The following DNER variants were observed in gnomAD, a reference collection of about 807,000 sequenced individuals.
DNER encodes delta and Notch-like epidermal growth factor-related receptor.
Under a neutral mutation model 78.2 loss-of-function variants are expected in DNER, and 33 were observed. That is an observed-to-expected ratio of 0.42 (90% CI 0.32 to 0.56). DNER has a LOEUF of 0.56. Among genes scored for constraint, DNER ranks in the 20% least tolerant of loss-of-function variants. The probability of loss-of-function intolerance (pLI) is 0.11; values close to 1 mark genes in which losing one functional copy is unlikely to be tolerated. For synonymous variants in DNER, 417 were observed against 384.8 expected, an observed-to-expected ratio of 1.08 and a Z score of -0.98; for missense variants, 918 against 975.3, an observed-to-expected ratio of 0.94 and a Z score of 0.78.
intron 1 of DNER, among the ~76,000 whole-genome samples, chr2:229,686,753 C>T (rs1254712519): frequency 6.6e-6 from 1 of 152,236 alleles, no homozygotes; most frequent in Non-Finnish European, 1.5e-5. Flanking sequence ...ACAGTCCAGA[C>T]ACGAACCTCC....
intron 7 of DNER, among the ~76,000 whole-genome samples, chr2:229,452,020 G>T (rs1694467923): frequency 6.6e-6 from 1 of 152,162 alleles, no homozygotes; most frequent in South Asian, 2.1e-4. Context: ...GAAGAGAAGT[G>T]CAGAAAATGA....
At chr2:229,625,048 T>C (rs1363843668) in intron 1 of DNER, among the ~76,000 whole-genome samples, 1 of 152,204 alleles carries the variant, frequency 6.6e-6, no homozygotes, top group African/African-American at 2.4e-5. Context: ...TATTATTTTG[T>C]TTTATTATAT....
chr2:229,455,237 G>A (rs532426049), intron 7 of DNER, among the ~76,000 whole-genome samples: 1 of 152,142 alleles, frequency 6.6e-6, no homozygotes, highest in Admixed American at 6.5e-5. Context: ...ATAATTCAAA[G>A]AATGCAGAGC....
intron 7 of DNER, 139 bp downstream of exon 7, chr2:229,476,997 ATCTT>A: frequency 1.7e-6 from 1 of 597,476 alleles, no homozygotes; most frequent in Non-Finnish European, 2.8e-6. Context: ...AAGGGGGACT[ATCTT>A]CTATTTTTGT....
At chr2:229,449,394 T>G (rs1260307228) in intron 7 of DNER, among the ~76,000 whole-genome samples, 1 of 152,236 alleles carries the variant, frequency 6.6e-6, no homozygotes, top group Non-Finnish European at 1.5e-5. Context: ...AAATGCAGCA[T>G]AGCTGCTTAA....
chr2:229,358,283 CA>C lies in DNER; in HGVS notation c.*256del. The C allele has an allele frequency of 4.1e-6, 1 of 246,382 alleles. No individual in the cohort carries two copies. The highest frequency in any genetic ancestry group is 7.8e-6 in the Non-Finnish European group (1 of 128,794). The allele number at this position is 246,382 out of a possible 1,614,324, so 15.3% of individuals were successfully genotyped here. A position where few individuals can be genotyped will look rare whatever the true frequency, so the allele number is the denominator to read the frequency against. ...AATCTGGGTCTCGTGATAGTGTCTA[CA>C]GTGAAAAGAGCACACACTAGTAGAA... is the stretch of plus-strand genomic sequence containing the variant. On this transcript the variant is annotated 3_prime_UTR_variant, in exon 13 of 13. Coordinates refer to ENST00000341772, the MANE Select transcript of DNER (RefSeq NM_139072.4).
chr2:229,420,934 C>T (rs1018270801), intron 8 of DNER, among the ~76,000 whole-genome samples: 4 of 152,086 alleles, frequency 2.6e-5, no homozygotes, highest in African/African-American at 7.2e-5. Flanking sequence ...CCAAAAGAAT[C>T]GAAAACAGGA....
At chr2:229,360,813 C>T (rs1484459154) in intron 12 of DNER, among the ~76,000 whole-genome samples, 1 of 152,182 alleles carries the variant, frequency 6.6e-6, no homozygotes, top group African/African-American at 2.4e-5. Flanking sequence ...TCTGTGTCCA[C>T]ACTGGTTAAC....
At chr2:229,631,867 G>A (rs377215657) in intron 1 of DNER, among the ~76,000 whole-genome samples, 1 of 152,204 alleles carries the variant, frequency 6.6e-6, no homozygotes, top group Non-Finnish European at 1.5e-5. Context: ...CTGCCTCATA[G>A]GGTTGTCTTA....
intron 1 of DNER, among the ~76,000 whole-genome samples, chr2:229,672,562 G>A (rs1002518910): frequency 4.6e-5 from 7 of 151,618 alleles, no homozygotes; most frequent in Non-Finnish European, 7.4e-5. Context: ...CTAGGAGGAG[G>A]AGGAAGAGGA....
intron 8 of DNER, 31 bp from the exon 9 acceptor site, chr2:229,418,261 A>G: frequency 6.2e-7 from 1 of 1,613,102 alleles, no homozygotes; most frequent in South Asian, 1.1e-5. Context: ...CCCACTGTCA[A>G]ATGCATCCCA....
intron 1 of DNER, among the ~76,000 whole-genome samples, chr2:229,704,606 T>C (rs552993565): frequency 3.2e-4 from 4 of 12,612 alleles, no homozygotes; most frequent in African/African-American, 3.4e-4. Context: ...TATGACGTTC[T>C]AGAAAAAATG....
intron 4 of DNER, among the ~76,000 whole-genome samples, chr2:229,555,745 T>G (rs923408776): frequency 6.6e-6 from 1 of 152,026 alleles, no homozygotes; most frequent in African/African-American, 2.4e-5. Flanking sequence ...ATGTCCACTT[T>G]GAAGAACAGC....
chr2:229,571,691 A>G (rs1697220294), intron 4 of DNER, among the ~76,000 whole-genome samples: 1 of 152,098 alleles, frequency 6.6e-6, no homozygotes, highest in South Asian at 2.1e-4. Flanking sequence ...TTTTCAGAAA[A>G]GAACCTTTCT....
intron 1 of DNER, among the ~76,000 whole-genome samples, chr2:229,630,504 A>AATC (rs1698416420): frequency 6.7e-6 from 1 of 148,636 alleles, no homozygotes; most frequent in Non-Finnish European, 1.5e-5. Flanking sequence ...TAATAATAAT[A>AATC]ATAATAATAA....
intron 7 of DNER, among the ~76,000 whole-genome samples, chr2:229,460,198 C>T (rs1172606964): frequency 6.8e-6 from 1 of 147,326 alleles, no homozygotes; most frequent in Admixed American, 6.7e-5. Context: ...AAATTTGAGT[C>T]CTAAGGAATA....
At chr2:229,582,769 A>G (rs1697426798) in intron 4 of DNER, among the ~76,000 whole-genome samples, 1 of 151,996 alleles carries the variant, frequency 6.6e-6, no homozygotes, top group South Asian at 2.1e-4. Flanking sequence ...CCTCCCTAGT[A>G]GCTGGGACTA....
rs763572496 is a variant in DNER, at chr2:229,397,463, C to CAAAAAAAAAAA, written c.1724-9078_1724-9068dup. 3.3e-4 allele frequency among the ~76,000 whole-genome samples: 32 copies of CAAAAAAAAAAA among 96,602 alleles called. 5 individuals carry two copies. Among genetic ancestry groups the CAAAAAAAAAAA allele is most frequent in the East Asian group, 6.5e-4 (2 of 3,064 alleles). The allele number at this position is 96,602 out of a possible 152,430, so 63.4% of individuals were successfully genotyped here. A position where few individuals can be genotyped will look rare whatever the true frequency, so the allele number is the denominator to read the frequency against. ...ACTGCTCCACTCCAGCCAAACACTACAAAAAAAAAAAAAAAACTGCAAGTC... is the reference window on the plus strand; with the variant it reads ...ACTGCTCCACTCCAGCCAAACACTACAAAAAAAAAAAAAAAAAAAAAAAAAAACTGCAAGTC... On this transcript the variant is annotated intron_variant, in intron 10 of 12. Transcript: ENST00000341772.
At chr2:229,648,460 G>T (rs145485949) in intron 1 of DNER, among the ~76,000 whole-genome samples, 58 of 152,270 alleles carry the variant, frequency 3.8e-4, no homozygotes, top group African/African-American at 1.3e-3. Context: ...ACTATTTAGA[G>T]CTTTCTCTTT....
Sources: gnomAD v4.1 joint callset for allele counts (sites outside exome capture counted in the v4.1 genomes callset) on GRCh38, gnomAD v4.1.1 for gene constraint, MANE v1.5 for transcripts, NCBI Gene and HGNC (gene_info 2026-07-23, HGNC 2026-07-21) for gene names.